CTNNA2: variants seen among roughly 807,000 people sequenced by gnomAD.
CTNNA2 encodes catenin alpha-2.
CTNNA2 carries 42 observed loss-of-function variants against 101.0 expected under a neutral mutation model. The observed-to-expected ratio is 0.42, with a 90% CI of 0.32 to 0.54. The LOEUF (loss-of-function observed/expected upper bound fraction) is 0.54, where lower values mean the gene tolerates loss of function less well. Among genes scored for constraint, CTNNA2 ranks in the 20% least tolerant of loss-of-function variants. CTNNA2 has a pLI of 0.14. For synonymous variants in CTNNA2, 450 were observed against 456.4 expected (o/e 0.99, Z 0.18); for missense variants, 871 against 1,223.1 (o/e 0.71, Z 4.29).
chr2:80,324,137 A>T (rs915343757), intron 7 of CTNNA2, among the ~76,000 whole-genome samples: 2 of 152,188 alleles, frequency 1.3e-5, no homozygotes, highest in East Asian at 3.8e-4. Context: ...AGCATGAAAA[A>T]TATGAATTGT....
At chr2:80,204,203 A>C (rs1042113695) in intron 7 of CTNNA2, among the ~76,000 whole-genome samples, 11 of 152,232 alleles carry the variant, frequency 7.2e-5, no homozygotes, top group African/African-American at 2.7e-4. Flanking sequence ...CCATTCTCTT[A>C]GTGATTAACA....
intron 3 of CTNNA2, among the ~76,000 whole-genome samples, chr2:79,838,230 A>T (rs2103825534): frequency 6.6e-6 from 1 of 152,262 alleles, no homozygotes; most frequent in South Asian, 2.1e-4. Context: ...GTTTAATGAA[A>T]GGATTTAAAG....
At chr2:80,172,925 T>C (rs1705157701) in intron 7 of CTNNA2, among the ~76,000 whole-genome samples, 1 of 152,188 alleles carries the variant, frequency 6.6e-6, no homozygotes, top group African/African-American at 2.4e-5. Context: ...GACTTCATAT[T>C]AACCTAATCA....
At chr2:80,627,721 AT>A (rs1468439874) in intron 18 of CTNNA2, among the ~76,000 whole-genome samples, 15 of 152,102 alleles carry the variant, frequency 9.9e-5, no homozygotes, top group African/African-American at 3.6e-4. Flanking sequence ...ATTAGATCCC[AT>A]TTATCTATTT....
chr2:79,473,740 CA>C (rs1453753319), intron 4 of CTNNA2, among the ~76,000 whole-genome samples: 1 of 151,834 alleles, frequency 6.6e-6, no homozygotes, highest in African/African-American at 2.4e-5. Context: ...ACTTTCAGTA[CA>C]AAAAATGTTA....
chr2:79,589,720 C>T (rs199515001), intron 1 of CTNNA2, among the ~76,000 whole-genome samples: 1 of 9,090 alleles, frequency 1.1e-4, no homozygotes, highest in South Asian at 5.9e-3. Context: ...TTTTTTTTCC[C>T]CCCCCCGAGA....
chr2:80,312,059 A>G (rs929330530), intron 7 of CTNNA2, among the ~76,000 whole-genome samples: 10 of 152,212 alleles, frequency 6.6e-5, no homozygotes, highest in African/African-American at 2.4e-4. Context: ...CATCCTAGCC[A>G]TAAATAAAGG....
chr2:79,248,239 T>C (rs954340728), intron 2 of CTNNA2, among the ~76,000 whole-genome samples: 26 of 152,270 alleles, frequency 1.7e-4, no homozygotes, highest in African/African-American at 3.6e-4. Context: ...GTGCTATTCA[T>C]TGGTAACATA....
intron 1 of CTNNA2, among the ~76,000 whole-genome samples, chr2:79,604,863 A>T (rs1410361389): frequency 1.3e-5 from 2 of 152,208 alleles, no homozygotes; most frequent in Non-Finnish European, 2.9e-5. Context: ...ACTCAAAAGG[A>T]TGAAGCTGTT....
intron 7 of CTNNA2, among the ~76,000 whole-genome samples, chr2:80,057,192 A>G (rs1697273375): frequency 6.9e-6 from 1 of 145,650 alleles, no homozygotes; most frequent in Non-Finnish European, 1.5e-5. Context: ...TTTTTTTTTA[A>G]GGAAGACTGA....
At chr2:79,594,263 A>C (rs1219440199) in intron 1 of CTNNA2, among the ~76,000 whole-genome samples, 1 of 152,026 alleles carries the variant, frequency 6.6e-6, no homozygotes. Context: ...ACTGATTGCC[A>C]TCCACTTCCA....
chr2:80,255,860 T>G lies in CTNNA2; in HGVS notation c.1057-137351T>G, dbSNP rs75051994. On this transcript the variant is annotated intron_variant, in intron 7 of 18. Coordinates refer to ENST00000402739, the MANE Select transcript of CTNNA2 (RefSeq NM_001282597.3). ...GAATCACGTGCTGTTGCCATTGTCT[T>G]TTAGTATCCGGGAAAATAAATACAG... is the stretch of plus-strand genomic sequence containing the variant. Among the ~76,000 whole-genome samples, 1,338 of 152,244 alleles carry G rather than the reference T, an allele frequency of 8.8e-3. 19 individuals are homozygous for G. The highest frequency in any genetic ancestry group is 0.029 in the African/African-American group (1,198 of 41,550).
chr2:80,479,012 G>T (rs937242383), intron 9 of CTNNA2, among the ~76,000 whole-genome samples: 2 of 147,948 alleles, frequency 1.4e-5, no homozygotes, highest in Admixed American at 6.8e-5. Flanking sequence ...ATGAGCATGG[G>T]TTTTTTTTTT....
chr2:80,407,520 C>T (rs1466067749), intron 8 of CTNNA2, among the ~76,000 whole-genome samples: 1 of 152,158 alleles, frequency 6.6e-6, no homozygotes, highest in Admixed American at 6.5e-5. Context: ...TGCAGACTTG[C>T]GTAGTCATGA....
At chr2:79,862,928 G>C (rs1175534599) in intron 4 of CTNNA2, among the ~76,000 whole-genome samples, 4 of 152,134 alleles carry the variant, frequency 2.6e-5, no homozygotes, top group African/African-American at 9.7e-5. Context: ...AAGTCCAGAG[G>C]TAATAGCTTC....
chr2:80,078,018 G>A (rs1698871866), intron 7 of CTNNA2, among the ~76,000 whole-genome samples: 2 of 152,106 alleles, frequency 1.3e-5, no homozygotes, highest in Admixed American at 6.5e-5. Context: ...GAAAATAAAA[G>A]GTAGGGAAAG....
intron 3 of CTNNA2, among the ~76,000 whole-genome samples, chr2:79,756,002 T>A (rs891860607): frequency 2.6e-5 from 4 of 152,220 alleles, no homozygotes; most frequent in Non-Finnish European, 4.4e-5. Flanking sequence ...TAGGTTCATC[T>A]GTTGCATATT....
chr2:80,475,201 T>C (rs932263037), intron 9 of CTNNA2, among the ~76,000 whole-genome samples: 9 of 152,202 alleles, frequency 5.9e-5, no homozygotes, highest in Non-Finnish European at 1.2e-4. Context: ...GTGCCAATGA[T>C]GAAGTGGCCA....
intron 3 of CTNNA2, among the ~76,000 whole-genome samples, chr2:79,777,562 C>T (rs1674070205): frequency 6.6e-6 from 1 of 152,134 alleles, no homozygotes; most frequent in African/African-American, 2.4e-5. Context: ...CCACTTACTT[C>T]ACCACTGCAA....
Sources: gnomAD v4.1 joint callset for allele counts (sites outside exome capture counted in the v4.1 genomes callset) on GRCh38, gnomAD v4.1.1 for gene constraint, MANE v1.5 for transcripts, NCBI Gene and HGNC (gene_info 2026-07-23, HGNC 2026-07-21) for gene names.